KCNQ1: variants seen among roughly 807,000 people sequenced by gnomAD.
KCNQ1 encodes potassium voltage-gated channel subfamily Q member 1.
In KCNQ1, 49 loss-of-function variants were observed where a neutral mutation model predicts 72.4. The ratio of observed to expected loss-of-function variants is 0.68; its 90% CI spans 0.54 to 0.86. The LOEUF (loss-of-function observed/expected upper bound fraction) is 0.86. KCNQ1 is among the 40% of genes least tolerant of loss of function. The pLI, the probability that KCNQ1 is intolerant of heterozygous loss-of-function variation, is 0.00. For missense variants in KCNQ1, 790 were observed against 945.1 expected (o/e 0.84, Z 2.15); for synonymous variants, 450 against 412.6 (o/e 1.09, Z -1.10).
At position 2,653,832 on chromosome 11, in the gene KCNQ1, G is replaced by C; in HGVS notation, c.1394-8129G>C. The stretch of plus-strand genomic sequence containing the variant: ...AGGCAAGGTCCACAGGGACCCCTTT[G>C]GGGATGGCCAGAGGGTACCTAAACA... On this transcript the variant is annotated intron_variant, in intron 10 of 15. Transcript: ENST00000155840. This position sits in a 1 kb window ranked among gnomAD's most constrained non-coding sequence, Gnocchi z 5.3. The C allele has an allele frequency of 1.0e-5, 4 of 398,650 alleles. No individual in the cohort carries two copies. Among genetic ancestry groups the C allele is most frequent in the Non-Finnish European group, 1.8e-5 (4 of 226,090 alleles). 24.7% of individuals were successfully genotyped at this position (398,650 alleles called of 1,614,324 possible).
chr11:2,761,965 A>G (rs1262289813), intron 11 of KCNQ1, among the ~76,000 whole-genome samples: 1 of 152,198 alleles, frequency 6.6e-6, no homozygotes, highest in African/African-American at 2.4e-5. Context: ...GGATCTGAGG[A>G]GCCCCGAGTG....
chr11:2,757,213 A>G (rs1846318595), intron 11 of KCNQ1, among the ~76,000 whole-genome samples: 1 of 152,216 alleles, frequency 6.6e-6, no homozygotes, highest in Non-Finnish European at 1.5e-5. Flanking sequence ...AATCCCAAGG[A>G]ATCTACAATA....
chr11:2,587,528 G>T, intron 8 of KCNQ1, 42 bp from the exon 9 acceptor site: 1 of 1,612,762 alleles, frequency 6.2e-7, no homozygotes, highest in Non-Finnish European at 8.5e-7. Context: ...CCCCCGCCGG[G>T]TGGCTCAGCA....
In KCNQ1 at chr11:2,778,028, A is replaced by G. The variant is rs1027750390; in HGVS notation, c.1785A>G (p.Val595=). 17 of 1,613,594 alleles carry G rather than the reference A, an allele frequency of 1.1e-5. No homozygotes were observed. Among genetic ancestry groups the G allele is most frequent in the African/African-American group, 5.3e-5 (4 of 74,936 alleles). ...SNTIGARLNR[V]EDKVTQLDQR... The stretch of plus-strand genomic sequence containing the variant: ...CGATCGGCGCCCGCCTGAACCGAGT[A>G]GAAGACAAGGTAGGCTCACGCGCCG... Residue 595 remains valine (V), a synonymous_variant, in exon 15 of 16, where the codon GTA becomes GTG. Transcript: ENST00000155840.
At chr11:2,662,431 C>T in intron 11 of KCNQ1, 1 of 505,252 alleles carries the variant, frequency 2.0e-6, no homozygotes, top group Middle Eastern at 5.1e-4. Context: ...AGCATTTCCC[C>T]ATGGAACCCT....
rs192003905 is a variant in KCNQ1, at chr11:2,458,753, G to A, written c.386+13269G>A. Among the ~76,000 whole-genome samples, 348 of 152,230 alleles carry A rather than the reference G, an allele frequency of 2.3e-3. No homozygotes were observed. Among genetic ancestry groups the A allele is most frequent in the African/African-American group, 6.6e-3 (272 of 41,518 alleles). On this transcript the variant is annotated intron_variant, in intron 1 of 15. Transcript: ENST00000155840. This position sits in a 1 kb window ranked among gnomAD's most constrained non-coding sequence, Gnocchi z 4.6. ...CTGGAAATACTCGGGCCAGAGGAAC[G>A]CGCTAAATGATACTACAGGAGGCCA...
In KCNQ1 at chr11:2,446,674, C is replaced by G. The variant is rs1460692051; in HGVS notation, c.386+1190C>G. Among the ~76,000 whole-genome samples, 1 of 152,194 alleles carries G rather than the reference C, an allele frequency of 6.6e-6. No individual in the cohort carries two copies. Among genetic ancestry groups the G allele is most frequent in the African/African-American group, 2.4e-5 (1 of 41,448 alleles). On this transcript the variant is annotated intron_variant, in intron 1 of 15. Transcript: ENST00000155840. This position sits in a 1 kb window ranked among gnomAD's most constrained non-coding sequence, Gnocchi z 8.8. ...CTTGCTAAGAGGTGGCCTTCCACATCAGGAAGGGGAAGTCTTACCCACCTC... is the reference window on the plus strand; with the variant it reads ...CTTGCTAAGAGGTGGCCTTCCACATGAGGAAGGGGAAGTCTTACCCACCTC...
chr11:2,804,450 G>T (rs562541154), intron 15 of KCNQ1, among the ~76,000 whole-genome samples: 308 of 152,350 alleles, frequency 2.0e-3, no homozygotes, highest in Non-Finnish European at 3.5e-3. Context: ...TATTGACGGT[G>T]CTGGGAGAGA....
chr11:2,792,604 A>G (rs1276890490), intron 15 of KCNQ1, among the ~76,000 whole-genome samples: 1 of 152,104 alleles, frequency 6.6e-6, no homozygotes, highest in African/African-American at 2.4e-5. Context: ...GGATATCTAG[A>G]GGAAGAGCGT....
chr11:2,815,618 G>A lies in KCNQ1; in HGVS notation c.1795-32149G>A, dbSNP rs1164229491. Among the ~76,000 whole-genome samples, 1 of 152,190 alleles carries A rather than the reference G, an allele frequency of 6.6e-6. No homozygotes were observed. The highest frequency in any genetic ancestry group is 2.4e-5 in the African/African-American group (1 of 41,452). ...GATGAGGCACCCAGGATGCCTGACAGTAGAGTTGCAGGGGGGCAGGCACCA... is the reference window on the plus strand; with the variant it reads ...GATGAGGCACCCAGGATGCCTGACAATAGAGTTGCAGGGGGGCAGGCACCA... On this transcript the variant is annotated intron_variant, in intron 15 of 15. Transcript: ENST00000155840. The surrounding 1 kb of genome is among the most constrained non-coding windows in gnomAD (Gnocchi z 5.4).
At position 2,758,763 on chromosome 11, in the gene KCNQ1, C is replaced by T. The variant is rs117939366; in HGVS notation, c.1515-10081C>T. On this transcript the variant is annotated intron_variant, in intron 11 of 15. Transcript: ENST00000155840. The stretch of plus-strand genomic sequence containing the variant: ...ATCGGTACAACCTAAGCGGATCTTA[C>T]GGGAATTGTGCTGAGGAGAAAAAGC... Among the ~76,000 whole-genome samples, 1,176 of 152,236 alleles carry T rather than the reference C, an allele frequency of 7.7e-3. 39 individuals carry two copies. Among genetic ancestry groups the T allele is most frequent in the East Asian group, 0.052 (271 of 5,186 alleles).
chr11:2,737,624 G>A (rs147571542), intron 11 of KCNQ1, among the ~76,000 whole-genome samples: 7 of 152,326 alleles, frequency 4.6e-5, no homozygotes, highest in East Asian at 3.9e-4. Flanking sequence ...CGTTCACGGC[G>A]AAGAAGCTTT....
At chr11:2,650,452 G>A in intron 10 of KCNQ1, 2 of 398,546 alleles carry the variant, frequency 5.0e-6, no homozygotes, top group South Asian at 2.6e-4. Context: ...ATTTGGGTAG[G>A]GTGCTTTGGC....
chr11:2,761,370 C>T (rs138764945), intron 11 of KCNQ1, among the ~76,000 whole-genome samples: 138 of 152,268 alleles, frequency 9.1e-4, no homozygotes, highest in African/African-American at 3.2e-3. Flanking sequence ...CGATGTGTTC[C>T]TCTTGATGTC....
chr11:2,806,577 G>A (rs1847378525), intron 15 of KCNQ1, among the ~76,000 whole-genome samples: 1 of 152,206 alleles, frequency 6.6e-6, no homozygotes, highest in South Asian at 2.1e-4. Flanking sequence ...TCCCCACCGA[G>A]CAGCTGGGCC....
chr11:2,621,000 A>G lies in KCNQ1; in HGVS notation c.1393+32146A>G. 2.5e-6 allele frequency: 1 copy of G among 395,408 alleles called. No homozygotes were observed. The highest frequency in any genetic ancestry group is 4.5e-5 in the Admixed American group (1 of 22,466). The allele number at this position is 395,408 out of a possible 1,614,324, so 24.5% of individuals were successfully genotyped here. On this transcript the variant is annotated intron_variant, in intron 10 of 15. Transcript: ENST00000155840. This position sits in a 1 kb window ranked among gnomAD's most constrained non-coding sequence, Gnocchi z 4.5. Reference sequence around the variant, plus strand: ...TTGTTTGTTTGTTTGTTTTTTGAGAAAGAGTCTTGCTCTGTCTCCCAGGCT... The same window carrying G: ...TTGTTTGTTTGTTTGTTTTTTGAGAGAGAGTCTTGCTCTGTCTCCCAGGCT...
chr11:2,484,332 A>G lies in KCNQ1; in HGVS notation c.386+38848A>G, dbSNP rs1846700481. Reference sequence around the variant, plus strand: ...GCACGTACCACCACGCCCAACTAATATTTTGTATTTTTAGTGGAGACGGGG... The same window carrying G: ...GCACGTACCACCACGCCCAACTAATGTTTTGTATTTTTAGTGGAGACGGGG... On this transcript the variant is annotated intron_variant, in intron 1 of 15. Coordinates refer to ENST00000155840, the MANE Select transcript of KCNQ1 (RefSeq NM_000218.3). The surrounding 1 kb of genome is among the most constrained non-coding windows in gnomAD (Gnocchi z 5.2). 6.6e-6 allele frequency among the ~76,000 whole-genome samples: 1 copy of G among 151,676 alleles called. No homozygotes were observed. Among genetic ancestry groups the G allele is most frequent in the Admixed American group, 6.6e-5 (1 of 15,236 alleles).
At chr11:2,675,062 G>GCC in intron 11 of KCNQ1, 2 of 398,676 alleles carry the variant, frequency 5.0e-6, no homozygotes, top group Non-Finnish European at 8.8e-6. Flanking sequence ...CAAGGGCAGA[G>GCC]CCCCTGGAGA....
intron 10 of KCNQ1, chr11:2,641,225 G>T (rs1173300193): frequency 2.5e-6 from 1 of 398,166 alleles, no homozygotes; most frequent in Admixed American, 4.4e-5. Context: ...CTCTTTTTAG[G>T]TTTTTCAGAA....
Sources: gnomAD v4.1 joint callset for allele counts (sites outside exome capture counted in the v4.1 genomes callset) on GRCh38, gnomAD v4.1.1 for gene constraint, Gnocchi (gnomAD v3.1) non-coding constraint, MANE v1.5 for transcripts, NCBI Gene and HGNC (gene_info 2026-07-23, HGNC 2026-07-21) for gene names.